The following TRPM8 variants were observed in gnomAD, a reference collection of about 807,000 sequenced individuals.
TRPM8 encodes the protein transient receptor potential cation channel subfamily M member 8.
In TRPM8, 110 loss-of-function variants were observed where a neutral mutation model predicts 133.7. The observed-to-expected ratio is 0.82, with a 90% confidence interval of 0.70 to 0.96. The LOEUF is 0.96. Ranked by LOEUF, TRPM8 falls within the 40% of genes least tolerant of loss-of-function variation. TRPM8 has a pLI of 0.00. For synonymous variants in TRPM8, 535 were observed against 532.3 expected (o/e 1.01, Z -0.07); for missense variants, 1,291 against 1,379.5 (o/e 0.94, Z 1.02).
chr2:233,973,293 T>C (rs1165074452), intron 17 of TRPM8, among the ~76,000 whole-genome samples: 2 of 152,228 alleles, frequency 1.3e-5, no homozygotes, highest in Non-Finnish European at 2.9e-5. Flanking sequence ...CATTGCCTTA[T>C]GGTTCTAGAG....
intron 13 of TRPM8, 38 bp downstream of exon 13, chr2:233,963,415 T>C (rs781001576): frequency 7.8e-7 from 1 of 1,280,278 alleles, no homozygotes; most frequent in Non-Finnish European, 1.1e-6. Context: ...ACACCAAATA[T>C]ATGCTTTGTT....
At chr2:233,954,693 T>C (rs947609870) in intron 10 of TRPM8, among the ~76,000 whole-genome samples, 1 of 152,208 alleles carries the variant, frequency 6.6e-6, no homozygotes, top group Non-Finnish European at 1.5e-5. Flanking sequence ...AGGTATTTAT[T>C]AAAATGGAAT....
intron 15 of TRPM8, among the ~76,000 whole-genome samples, chr2:233,967,351 A>C (rs950676096): frequency 2.6e-5 from 4 of 152,252 alleles, no homozygotes; most frequent in Non-Finnish European, 5.9e-5. Flanking sequence ...CTTTTCACCC[A>C]CAGTTCCAGT....
intron 1 of TRPM8, among the ~76,000 whole-genome samples, chr2:233,919,010 G>T (rs1253285992): frequency 6.6e-6 from 1 of 151,792 alleles, no homozygotes; most frequent in East Asian, 1.9e-4. Flanking sequence ...CATTCAGTGT[G>T]CAAAGGAAAA....
At position 233,953,190 on chromosome 2, in the gene TRPM8, A is replaced by G. The variant is rs183573650; in HGVS notation, c.1141-727A>G. Among the ~76,000 whole-genome samples the G allele has an allele frequency of 1.4e-4, 22 of 152,296 alleles. No homozygotes were observed. In the East Asian group the frequency reaches 4.1e-3, roughly 28 times the overall value. On this transcript the variant is annotated intron_variant, in intron 9 of 25. Coordinates refer to ENST00000324695, the MANE Select transcript of TRPM8 (RefSeq NM_024080.5). ...TCCAAATCCAAGGGCTCTTTTTGCC[A>G]CCTTCAAACAGCCAGACCCTGAGAC...
At chr2:233,930,132 C>G (rs895296489) in intron 2 of TRPM8, among the ~76,000 whole-genome samples, 2 of 152,110 alleles carry the variant, frequency 1.3e-5, no homozygotes, top group Non-Finnish European at 2.9e-5. Context: ...GGAGTTTTTC[C>G]TTTGTTTCCA....
chr2:233,975,587 A>G lies in TRPM8; in HGVS notation c.2356-4601A>G, dbSNP rs1312210382. On this transcript the variant is annotated intron_variant, in intron 17 of 25. Transcript: ENST00000324695. The stretch of plus-strand genomic sequence containing the variant: ...CGTTGTTTGACTCCTTTAGGCATCT[A>G]AAGAAACCAGAGGCTGGGCACGGTG... 2.0e-5 allele frequency among the ~76,000 whole-genome samples: 3 copies of G among 152,344 alleles called. No individual in the cohort carries two copies. The East Asian group carries it at 5.8e-4, about 29-fold the overall frequency.
At chr2:233,939,326 CAAAT>C in intron 5 of TRPM8, 151 bp downstream of exon 5, 6 of 854,286 alleles carry the variant, frequency 7.0e-6, no homozygotes, top group Middle Eastern at 3.6e-4. Flanking sequence ...GCCATATCCT[CAAAT>C]GAATGGACAC....
At chr2:233,926,781 T>C in intron 2 of TRPM8, 127 bp downstream of exon 2, 1 of 713,148 alleles carries the variant, frequency 1.4e-6, no homozygotes, top group South Asian at 1.7e-5. Context: ...CTTTCACTAC[T>C]TAATGCTCAG....
Position 234,017,875 on chromosome 2 carries a change from C to T in TRPM8, c.*619C>T, listed in dbSNP as rs1692994155. 1.3e-5 allele frequency: 2 copies of T among 152,342 alleles called. No homozygotes were observed. The highest frequency in any genetic ancestry group is 2.1e-4 in the South Asian group (1 of 4,828). 9.4% of individuals were successfully genotyped at this position (152,342 alleles called of 1,614,324 possible). A position where few individuals can be genotyped will look rare whatever the true frequency, so the allele number is the denominator to read the frequency against. On this transcript the variant is annotated 3_prime_UTR_variant, in exon 26 of 26. Transcript: ENST00000324695. ...AGGCAGTCTCTTGCTCTCTTGGACT[C>T]ACCAGGCTCCTATTGAAGGAACCAC...
At chr2:233,926,964 G>C (rs1425910053) in intron 2 of TRPM8, among the ~76,000 whole-genome samples, 1 of 152,116 alleles carries the variant, frequency 6.6e-6, no homozygotes, top group Non-Finnish European at 1.5e-5. Flanking sequence ...GGACACAGAC[G>C]TGCCCAATCA....
chr2:233,991,071 C>T (rs1692264035), intron 21 of TRPM8, among the ~76,000 whole-genome samples: 1 of 151,906 alleles, frequency 6.6e-6, no homozygotes, highest in South Asian at 2.1e-4. Context: ...TACCCAGAGC[C>T]CCAAGTGTTG....
chr2:233,969,732 G>A lies in TRPM8; in HGVS notation c.2063G>A (p.Arg688Gln), dbSNP rs776118701. 4 of 1,613,790 alleles carry A rather than the reference G, an allele frequency of 2.5e-6. No homozygotes were observed. The highest frequency in any genetic ancestry group is 1.7e-5 in the Admixed American group (1 of 60,006). ...LSKQWYGEIS[R>Q]DTKNWKIILC... ...AAGCAATGGTATGGAGAGATTTCCC[G>A]AGACACCAAGAACTGGAAGATTATC... Residue 688 changes from arginine (R) to glutamine (Q), a missense_variant, in exon 16 of 26, where the codon CGA (arginine) becomes CAA (glutamine). Transcript: ENST00000324695.
intron 16 of TRPM8, 72 bp downstream of exon 16, chr2:233,969,879 C>A: frequency 1.0e-6 from 1 of 958,180 alleles, no homozygotes; most frequent in Non-Finnish European, 1.7e-6. Flanking sequence ...CATATGTGTG[C>A]TCTCATGTAA....
intron 22 of TRPM8, among the ~76,000 whole-genome samples, chr2:234,001,776 G>A (rs1234238770): frequency 1.3e-5 from 2 of 152,248 alleles, no homozygotes; most frequent in African/African-American, 4.8e-5. Flanking sequence ...CACATGGGCT[G>A]GGCCTGGAGG....
chr2:233,989,343 C>T lies in TRPM8; in HGVS notation c.2939+3478C>T, dbSNP rs1327612777. Among the ~76,000 whole-genome samples the T allele has an allele frequency of 6.6e-6, 1 of 152,184 alleles. No homozygotes were observed. The highest frequency in any genetic ancestry group is 1.5e-5 in the Non-Finnish European group (1 of 68,024). ...TGGCTTAACTCAGGTCTCTTCCCCA[C>T]GAGGCCAGAGCCACTGCATCACATC... is the stretch of plus-strand genomic sequence containing the variant. On this transcript the variant is annotated intron_variant, in intron 21 of 25. Transcript: ENST00000324695. The surrounding 1 kb of genome is among the most constrained non-coding windows in gnomAD (Gnocchi z 4.2).
rs1229539076 is a variant in TRPM8, at chr2:233,927,904, TTCTTTC to T, written c.117+1254_117+1259del. On this transcript the variant is annotated intron_variant, in intron 2 of 25. Coordinates refer to ENST00000324695, the MANE Select transcript of TRPM8 (RefSeq NM_024080.5). ...TTTCTTTCTTTCTTTCTTTCTTTCT[TTCTTTC>T]TCTCTCTCTCTCTTTCTCTCTCTCT... Among the ~76,000 whole-genome samples the T allele has an allele frequency of 2.3e-4, 14 of 60,174 alleles. 1 individual carries two copies. Among genetic ancestry groups the T allele is most frequent in the East Asian group, 1.8e-3 (2 of 1,084 alleles). The allele number at this position is 60,174 out of a possible 152,430, so 39.5% of individuals were successfully genotyped here. A position where few individuals can be genotyped will look rare whatever the true frequency, so the allele number is the denominator to read the frequency against.
intron 17 of TRPM8, among the ~76,000 whole-genome samples, chr2:233,973,129 T>G (rs983246213): frequency 2.6e-5 from 4 of 152,216 alleles, no homozygotes; most frequent in African/African-American, 9.6e-5. Flanking sequence ...CCCTGCTATG[T>G]GCAGGGAATT....
chr2:234,000,979 A>G (rs538638243), intron 22 of TRPM8, among the ~76,000 whole-genome samples: 1 of 152,332 alleles, frequency 6.6e-6, no homozygotes, highest in South Asian at 2.1e-4. Flanking sequence ...TTCTCAGCCA[A>G]ACTTGAACAT....
Sources: allele counts gnomAD v4.1 joint callset (sites outside exome capture counted in the v4.1 genomes callset), GRCh38; gene constraint gnomAD v4.1.1; non-coding constraint Gnocchi (gnomAD v3.1); transcripts MANE v1.5; gene names NCBI Gene and HGNC (gene_info 2026-07-23, HGNC 2026-07-21).